Variants in SHISA9 observed in about 807,000 individuals in gnomAD.
SHISA9 encodes shisa family member 9.
In SHISA9, 13 loss-of-function variants were observed where a neutral mutation model predicts 38.0. The ratio of observed to expected loss-of-function variants is 0.34; its 90% CI spans 0.22 to 0.54. The LOEUF (loss-of-function observed/expected upper bound fraction) is 0.54. Ranked by LOEUF, SHISA9 falls within the 20% of genes least tolerant of loss-of-function variation. SHISA9 has a pLI of 0.91. For missense variants in SHISA9, 538 were observed against 575.8 expected, an observed-to-expected ratio of 0.93 and a Z score of 0.67; for synonymous variants, 275 against 242.0, an observed-to-expected ratio of 1.14 and a Z score of -1.27.
At chr16:13,401,419 C>A in the SHISA9 span, among the ~76,000 whole-genome samples, 1 of 152,206 alleles carries the variant, frequency 6.6e-6, no homozygotes, top group South Asian at 2.1e-4. Context: ...ATATTACTTT[C>A]ATTCTCTAGA....
chr16:13,374,168 CT>C, the SHISA9 span, among the ~76,000 whole-genome samples: 54 of 144,170 alleles, frequency 3.7e-4, no homozygotes, highest in South Asian at 8.8e-4. Flanking sequence ...ATTTTTTTTT[CT>C]TTTTTTTTTT....
chr16:13,511,862 T>C, the SHISA9 span, among the ~76,000 whole-genome samples: 1,118 of 152,248 alleles, frequency 7.3e-3, 17 homozygotes, highest in African/African-American at 0.026. Flanking sequence ...CCACCACATT[T>C]ATGTGAAAAA....
chr16:13,534,180 C>G, the SHISA9 span, among the ~76,000 whole-genome samples: 1 of 150,972 alleles, frequency 6.6e-6, no homozygotes, highest in East Asian at 2.0e-4. Context: ...GCCCCACATT[C>G]AAGAGTATTC....
chr16:13,394,843 AC>A, the SHISA9 span, among the ~76,000 whole-genome samples: 3 of 152,048 alleles, frequency 2.0e-5, no homozygotes, highest in Admixed American at 2.0e-4. Flanking sequence ...TCTGCCCCTC[AC>A]TTGCACACAA....
At chr16:13,009,338 T>C (rs531476874) in intron 2 of SHISA9, among the ~76,000 whole-genome samples, 4 of 152,214 alleles carry the variant, frequency 2.6e-5, no homozygotes, top group African/African-American at 9.6e-5. Flanking sequence ...TGGAAGGGAT[T>C]GGGAAGGACA....
intron 2 of SHISA9, among the ~76,000 whole-genome samples, chr16:13,044,142 C>T (rs536545041): frequency 1.3e-5 from 2 of 152,268 alleles, no homozygotes; most frequent in Non-Finnish European, 2.9e-5. Flanking sequence ...TGAAAATCCT[C>T]TAGGGAAGGG....
the SHISA9 span, among the ~76,000 whole-genome samples, chr16:13,349,202 C>T: frequency 0.13 from 19,328 of 152,178 alleles, 1,602 homozygotes; most frequent in Non-Finnish European, 0.19. Context: ...AGCAAAATGC[C>T]AGTGAGGTTT....
the SHISA9 span, among the ~76,000 whole-genome samples, chr16:13,407,129 A>C: frequency 2.0e-5 from 3 of 151,704 alleles, no homozygotes; most frequent in African/African-American, 7.3e-5. Flanking sequence ...AGTCTATTCA[A>C]ACTACCACAA....
At chr16:13,509,321 G>C in the SHISA9 span, among the ~76,000 whole-genome samples, 8 of 152,122 alleles carry the variant, frequency 5.3e-5, no homozygotes, top group East Asian at 1.5e-3. Context: ...TAAGAGTTAT[G>C]ATGAGGCTTA....
At chr16:13,409,838 A>T in the SHISA9 span, among the ~76,000 whole-genome samples, 1 of 152,254 alleles carries the variant, frequency 6.6e-6, no homozygotes, top group Non-Finnish European at 1.5e-5. Flanking sequence ...ATATGCGAAC[A>T]TGTAAACACC....
chr16:13,158,152 C>T (rs551980086), intron 2 of SHISA9, among the ~76,000 whole-genome samples: 95 of 152,202 alleles, frequency 6.2e-4, no homozygotes, highest in Non-Finnish European at 1.3e-3. Flanking sequence ...TAAAATGGGG[C>T]GACAGTTTTT....
intron 2 of SHISA9, among the ~76,000 whole-genome samples, chr16:13,018,955 G>C (rs935940266): frequency 6.6e-6 from 1 of 152,164 alleles, no homozygotes; most frequent in East Asian, 1.9e-4. Flanking sequence ...AGCTACCATA[G>C]CAAAGTATCA....
At chr16:13,017,226 G>A (rs938382691) in intron 2 of SHISA9, among the ~76,000 whole-genome samples, 2 of 151,980 alleles carry the variant, frequency 1.3e-5, no homozygotes, top group African/African-American at 2.4e-5. Flanking sequence ...CACCATGTTG[G>A]CCAGGCTGGT....
chr16:13,108,126 CT>C (rs1172197974), intron 2 of SHISA9, among the ~76,000 whole-genome samples: 96 of 151,424 alleles, frequency 6.3e-4, no homozygotes, highest in African/African-American at 2.1e-3. Context: ...GAGAGCCCCC[CT>C]CCGGCCCCAC....
the SHISA9 span, among the ~76,000 whole-genome samples, chr16:13,532,557 ATGTGTGTGTGTG>A: frequency 6.7e-6 from 1 of 150,032 alleles, no homozygotes; most frequent in African/African-American, 2.5e-5. Context: ...GCGTGTGTGT[ATGTGTGTGTGTG>A]TGTGTGTGTG....
intron 4 of SHISA9, among the ~76,000 whole-genome samples, chr16:13,234,700 G>T (rs2051363588): frequency 1.3e-5 from 2 of 152,140 alleles, no homozygotes; most frequent in South Asian, 4.1e-4. Flanking sequence ...TAATAAAAAA[G>T]AAACAACACG....
At chr16:13,054,917 C>T (rs1022575704) in intron 2 of SHISA9, among the ~76,000 whole-genome samples, 1 of 152,148 alleles carries the variant, frequency 6.6e-6, no homozygotes, top group African/African-American at 2.4e-5. Context: ...CTAGTCTAAC[C>T]CTAGTTTGCT....
chr16:13,055,542 C>G (rs1208125067), intron 2 of SHISA9, among the ~76,000 whole-genome samples: 1 of 152,182 alleles, frequency 6.6e-6, no homozygotes, highest in Non-Finnish European at 1.5e-5. Context: ...AGTGTCTTGG[C>G]TCTCACAGTT....
chr16:13,381,561 A>C, the SHISA9 span, among the ~76,000 whole-genome samples: 4 of 152,242 alleles, frequency 2.6e-5, no homozygotes, highest in Non-Finnish European at 2.9e-5. Flanking sequence ...ATGTTCATTT[A>C]ACTATATTTG....
Sources: gnomAD v4.1 joint callset for allele counts (sites outside exome capture counted in the v4.1 genomes callset) on GRCh38, gnomAD v4.1.1 for gene constraint, MANE v1.5 for transcripts, NCBI Gene and HGNC (gene_info 2026-07-23, HGNC 2026-07-21) for gene names.